CLTCL1: variants seen among roughly 807,000 people sequenced by gnomAD.
The protein encoded by CLTCL1 is clathrin heavy chain like 1.
Under a neutral mutation model 190.0 loss-of-function variants are expected in CLTCL1, and 159 were observed. The observed-to-expected ratio is 0.84, with a 90% CI of 0.74 to 0.95. The LOEUF is 0.95. Among genes scored for constraint, CLTCL1 ranks in the 40% least tolerant of loss-of-function variants. The pLI is 0.00. For synonymous variants in CLTCL1, 752 were observed against 769.6 expected (o/e 0.98, Z 0.38); for missense variants, 1,878 against 2,033.4 (o/e 0.92, Z 1.47).
At chr22:19,221,700 A>C (rs2085576024) in intron 16 of CLTCL1, 89 bp from the exon 17 acceptor site, 2 of 1,218,880 alleles carry the variant, frequency 1.6e-6, no homozygotes, top group African/African-American at 3.1e-5. Flanking sequence ...TGTTTCCTGA[A>C]ACAAAAAATC....
intron 1 of CLTCL1, among the ~76,000 whole-genome samples, chr22:19,290,511 C>G (rs1171707347): frequency 2.6e-5 from 4 of 152,162 alleles, no homozygotes; most frequent in African/African-American, 7.2e-5. Flanking sequence ...CAGAATGAAG[C>G]CCGGACAGAT....
chr22:19,243,006 T>C, intron 3 of CLTCL1, 70 bp from the exon 4 acceptor site: 1 of 1,424,944 alleles, frequency 7.0e-7, no homozygotes, highest in Admixed American at 2.3e-5. Flanking sequence ...TCTTAAAATA[T>C]ATTTCTAAAA....
rs1452099911 is a variant in CLTCL1, at chr22:19,183,908, G to A, written c.4606-297C>T. On this transcript the variant is annotated intron_variant, in intron 29 of 32. Coordinates refer to ENST00000427926, the MANE Select transcript of CLTCL1 (RefSeq NM_007098.4). ...GCGTGCACAGGCTGCTCTGAGGAAG[G>A]CACTGATGGGAGTTTGGGGGTTGTG... 9.0e-6 allele frequency: 4 copies of A among 444,600 alleles called. No homozygotes were observed. The East Asian group carries it at 1.3e-4, about 14-fold the overall frequency. 27.5% of individuals were successfully genotyped at this position (444,600 alleles called of 1,614,324 possible).
intron 19 of CLTCL1, 80 bp downstream of exon 19, chr22:19,216,031 C>G (rs1555949217): frequency 7.1e-7 from 1 of 1,404,450 alleles, no homozygotes; most frequent in East Asian, 2.4e-5. Context: ...TGAAGCGGTA[C>G]GAGATTGTAA....
intron 2 of CLTCL1, among the ~76,000 whole-genome samples, chr22:19,273,467 A>G (rs1466486954): frequency 1.3e-5 from 2 of 152,182 alleles, no homozygotes; most frequent in Non-Finnish European, 2.9e-5. Flanking sequence ...CTGGCCTGGC[A>G]ATCACAGCAA....
At chr22:19,180,266 T>G in intron 31 of CLTCL1, 28 bp from the exon 32 acceptor site, 1 of 1,613,296 alleles carries the variant, frequency 6.2e-7, no homozygotes. Flanking sequence ...ACATTAATGG[T>G]GGAAGGACAC....
chr22:19,243,280 A>G (rs1436922640), intron 3 of CLTCL1, among the ~76,000 whole-genome samples: 1 of 152,212 alleles, frequency 6.6e-6, no homozygotes, highest in Non-Finnish European at 1.5e-5. Flanking sequence ...ATGCAATCAC[A>G]GGTAATTTTG....
At chr22:19,207,109 C>T (rs1382178986) in intron 22 of CLTCL1, among the ~76,000 whole-genome samples, 2 of 150,938 alleles carry the variant, frequency 1.3e-5, no homozygotes, top group African/African-American at 2.4e-5. Flanking sequence ...CTCCATCTCC[C>T]GGATTCAAGC....
At chr22:19,220,589 T>C (rs1168522133) in intron 17 of CLTCL1, among the ~76,000 whole-genome samples, 2 of 152,244 alleles carry the variant, frequency 1.3e-5, no homozygotes, top group Non-Finnish European at 2.9e-5. Context: ...TGGAATGTTC[T>C]AGCGTGTGCA....
chr22:19,233,380 T>C, intron 8 of CLTCL1, 42 bp downstream of exon 8: 1 of 1,611,198 alleles, frequency 6.2e-7, no homozygotes, highest in Non-Finnish European at 8.5e-7. Flanking sequence ...GACCAAGTTT[T>C]CAAGCTGTGC....
At chr22:19,281,020 G>A (rs1209878739) in intron 1 of CLTCL1, among the ~76,000 whole-genome samples, 17 of 151,576 alleles carry the variant, frequency 1.1e-4, no homozygotes, top group African/African-American at 4.1e-4. Context: ...GCCGGGCGCG[G>A]CGGCTCACAC....
intron 2 of CLTCL1, among the ~76,000 whole-genome samples, chr22:19,271,584 T>C (rs1181307055): frequency 6.6e-6 from 1 of 152,200 alleles, no homozygotes; most frequent in East Asian, 1.9e-4. Flanking sequence ...AAGCTTCCTA[T>C]ATAGCCTATG....
rs2086967224 is a variant in CLTCL1, at chr22:19,262,101, C to T, written c.251-7874G>A. 2.6e-5 allele frequency among the ~76,000 whole-genome samples: 4 copies of T among 152,010 alleles called. No individual in the cohort carries two copies. The South Asian group carries it at 8.3e-4, about 31-fold the overall frequency. On this transcript the variant is annotated intron_variant, in intron 2 of 32. Transcript: ENST00000427926. ...AGTGCAGTGGCGTGATCTTGGCTCA[C>T]TGCAACCTCCACCTCCCGGATTCAA...
chr22:19,192,274 C>T (rs2084536316), intron 26 of CLTCL1, among the ~76,000 whole-genome samples: 1 of 152,064 alleles, frequency 6.6e-6, no homozygotes, highest in Admixed American at 6.5e-5. Flanking sequence ...ACCGTGTTAG[C>T]CAGGATGGTC....
intron 2 of CLTCL1, chr22:19,257,931 T>C (rs1372952629): frequency 8.9e-7 from 1 of 1,126,158 alleles, no homozygotes; most frequent in Non-Finnish European, 1.2e-6. Flanking sequence ...GAGAAGCTGA[T>C]GGCTCAGATC....
intron 26 of CLTCL1, 99 bp downstream of exon 26, chr22:19,196,167 A>G: frequency 8.1e-7 from 1 of 1,229,386 alleles, no homozygotes; most frequent in Non-Finnish European, 1.1e-6. Context: ...GCATGGGGGC[A>G]TGCTGGTACT....
intron 30 of CLTCL1, chr22:19,181,044 A>C (rs1555925643): frequency 1.8e-6 from 1 of 558,076 alleles, no homozygotes; most frequent in East Asian, 2.9e-5. Flanking sequence ...TGGGGCCCCC[A>C]GAGCTTCCCA....
intron 27 of CLTCL1, among the ~76,000 whole-genome samples, chr22:19,190,744 C>T (rs2084471484): frequency 1.3e-5 from 2 of 151,598 alleles, no homozygotes; most frequent in Non-Finnish European, 2.9e-5. Flanking sequence ...TGCTAATCGA[C>T]TTTCTCAATG....
At chr22:19,289,219 G>T (rs2146413470) in intron 1 of CLTCL1, among the ~76,000 whole-genome samples, 1 of 152,284 alleles carries the variant, frequency 6.6e-6, no homozygotes, top group East Asian at 1.9e-4. Context: ...CTGATCTCAG[G>T]TGATCCACCC....
Sources: gnomAD v4.1 joint callset for allele counts (sites outside exome capture counted in the v4.1 genomes callset) on GRCh38, gnomAD v4.1.1 for gene constraint, MANE v1.5 for transcripts, NCBI Gene and HGNC (gene_info 2026-07-23, HGNC 2026-07-21) for gene names.